Variants in SLC35F1 observed in about 807,000 individuals in gnomAD.
SLC35F1 encodes the protein chromosome 6 open reading frame 169.
A neutral mutation model predicts 48.7 loss-of-function variants in SLC35F1; 14 were observed. The ratio of observed to expected loss-of-function variants is 0.29; its 90% confidence interval spans 0.19 to 0.45. The LOEUF (loss-of-function observed/expected upper bound fraction) is 0.45. Among genes scored for constraint, SLC35F1 ranks in the 20% least tolerant of loss-of-function variants. SLC35F1 has a pLI of 1.00. For missense variants in SLC35F1, 404 were observed against 500.0 expected (o/e 0.81, Z 1.83); for synonymous variants, 190 against 202.2 (o/e 0.94, Z 0.51).
intron 1 of SLC35F1, among the ~76,000 whole-genome samples, chr6:117,953,006 A>G (rs1422854395): frequency 6.6e-6 from 1 of 152,242 alleles, no homozygotes; most frequent in Non-Finnish European, 1.5e-5. Context: ...AAGCGAGAGA[A>G]GTGAGCAGGA....
At chr6:118,179,902 T>C (rs748939378) in intron 2 of SLC35F1, among the ~76,000 whole-genome samples, 14 of 152,202 alleles carry the variant, frequency 9.2e-5, no homozygotes, top group African/African-American at 2.4e-4. Flanking sequence ...GTTGCCAATA[T>C]GGCATTCAAA....
At chr6:118,021,499 G>A (rs1582623340) in intron 1 of SLC35F1, among the ~76,000 whole-genome samples, 1 of 152,300 alleles carries the variant, frequency 6.6e-6, no homozygotes, top group South Asian at 2.1e-4. Context: ...AGACCTGGAA[G>A]AGCATTGTCA....
At chr6:118,141,918 G>A (rs78900692) in intron 1 of SLC35F1, among the ~76,000 whole-genome samples, 4,304 of 152,286 alleles carry the variant, frequency 0.028, 216 homozygotes, top group African/African-American at 0.098. Flanking sequence ...GTTCACAAAA[G>A]TGATACTTCA....
At chr6:118,122,712 T>C (rs1420207349) in intron 1 of SLC35F1, among the ~76,000 whole-genome samples, 1 of 152,156 alleles carries the variant, frequency 6.6e-6, no homozygotes, top group East Asian at 1.9e-4. Flanking sequence ...ACTAACAAGC[T>C]GTGCTGTGGC....
chr6:117,935,714 A>G (rs907785585), intron 1 of SLC35F1, among the ~76,000 whole-genome samples: 6 of 152,150 alleles, frequency 3.9e-5, no homozygotes, highest in African/African-American at 1.2e-4. Context: ...TAGCACTAAA[A>G]TGACCGCAAA....
At chr6:118,248,285 G>A (rs1348603272) in intron 3 of SLC35F1, among the ~76,000 whole-genome samples, 1 of 152,198 alleles carries the variant, frequency 6.6e-6, no homozygotes, top group East Asian at 1.9e-4. Context: ...AGCTGGAACA[G>A]TAAGCAGAAT....
intron 1 of SLC35F1, among the ~76,000 whole-genome samples, chr6:117,980,309 T>C (rs1163367249): frequency 6.6e-6 from 1 of 152,028 alleles, no homozygotes; most frequent in Non-Finnish European, 1.5e-5. Flanking sequence ...ATGTAAGGGG[T>C]GGCAGGAGGT....
intron 1 of SLC35F1, among the ~76,000 whole-genome samples, chr6:118,011,884 T>A (rs1423283413): frequency 6.6e-6 from 1 of 152,174 alleles, no homozygotes; most frequent in African/African-American, 2.4e-5. Flanking sequence ...GAAGCACTGG[T>A]CTGAGGGACA....
At chr6:118,044,998 G>A (rs899174820) in intron 1 of SLC35F1, among the ~76,000 whole-genome samples, 1 of 152,168 alleles carries the variant, frequency 6.6e-6, no homozygotes, top group African/African-American at 2.4e-5. Flanking sequence ...GTATGAAAAT[G>A]TATTTTAAAC....
intron 1 of SLC35F1, among the ~76,000 whole-genome samples, chr6:118,111,919 G>T (rs1048982653): frequency 2.6e-5 from 4 of 152,102 alleles, no homozygotes; most frequent in African/African-American, 9.7e-5. Context: ...GGGACTTGCT[G>T]GGCTGCATTC....
At chr6:118,247,929 A>T (rs1376877362) in intron 3 of SLC35F1, among the ~76,000 whole-genome samples, 2 of 152,236 alleles carry the variant, frequency 1.3e-5, no homozygotes, top group Admixed American at 6.5e-5. Context: ...GAATCCAGAA[A>T]GTATTATCTA....
intron 2 of SLC35F1, among the ~76,000 whole-genome samples, chr6:118,179,072 C>T (rs1439431812): frequency 5.9e-5 from 9 of 152,068 alleles, no homozygotes. Context: ...GAGAACTGAG[C>T]AGAAGCAACT....
chr6:118,032,594 A>G (rs1033724608), intron 1 of SLC35F1, among the ~76,000 whole-genome samples: 1 of 152,192 alleles, frequency 6.6e-6, no homozygotes, highest in African/African-American at 2.4e-5. Context: ...TAGATTATAC[A>G]CAATATGCTG....
chr6:118,076,052 CT>C (rs2114310024), intron 1 of SLC35F1, among the ~76,000 whole-genome samples: 1 of 151,698 alleles, frequency 6.6e-6, no homozygotes, highest in Admixed American at 6.6e-5. Flanking sequence ...TGTGATTCTG[CT>C]GGAAAAAAAA....
At chr6:118,280,738 T>G (rs1453573097) in intron 6 of SLC35F1, among the ~76,000 whole-genome samples, 2 of 151,404 alleles carry the variant, frequency 1.3e-5, no homozygotes, top group Non-Finnish European at 2.9e-5. Context: ...ATTACCTGGG[T>G]GTGGTGGTGC....
intron 3 of SLC35F1, among the ~76,000 whole-genome samples, chr6:118,237,133 AT>A (rs1304221633): frequency 6.6e-6 from 1 of 152,188 alleles, no homozygotes; most frequent in Non-Finnish European, 1.5e-5. Context: ...CTATTAGGAC[AT>A]TTTTAAGGAC....
intron 2 of SLC35F1, among the ~76,000 whole-genome samples, chr6:118,177,803 G>A (rs1774512572): frequency 6.6e-6 from 1 of 151,582 alleles, no homozygotes. Context: ...AGTCCCTTTG[G>A]ACTCTCCTGT....
chr6:117,934,880 G>A (rs1776145291), intron 1 of SLC35F1, among the ~76,000 whole-genome samples: 1 of 151,242 alleles, frequency 6.6e-6, no homozygotes, highest in South Asian at 2.1e-4. Flanking sequence ...GCCGAGGCAG[G>A]TGGATCATCT....
At chr6:118,068,083 C>T (rs988191572) in intron 1 of SLC35F1, among the ~76,000 whole-genome samples, 2 of 152,130 alleles carry the variant, frequency 1.3e-5, no homozygotes, top group Non-Finnish European at 2.9e-5. Context: ...AGAAGGTTCT[C>T]CTAGCTCCAG....
Sources: allele counts gnomAD v4.1 joint callset (sites outside exome capture counted in the v4.1 genomes callset), GRCh38; gene constraint gnomAD v4.1.1; transcripts MANE v1.5; gene names NCBI Gene and HGNC (gene_info 2026-07-23, HGNC 2026-07-21).